Variants in CYP4A22 observed in about 807,000 individuals in gnomAD.
CYP4A22 encodes the protein cytochrome P450 4A22.
CYP4A22 carries 46 observed loss-of-function variants against 56.2 expected under a neutral mutation model. The ratio of observed to expected loss-of-function variants is 0.82; its 90% CI spans 0.65 to 1.05. The LOEUF (loss-of-function observed/expected upper bound fraction) is 1.05, where lower values mean the gene tolerates loss of function less well. Ranked by LOEUF, CYP4A22 falls within the 50% of genes least tolerant of loss-of-function variation. CYP4A22 has a pLI of 0.00. For missense variants in CYP4A22, 541 were observed against 645.9 expected (o/e 0.84, Z 1.76); for synonymous variants, 193 against 251.1 (o/e 0.77, Z 2.19).
rs1450216767 is a variant in CYP4A22, at chr1:47,145,913, G to A, written c.1270G>A (p.Val424Met). 6.2e-7 allele frequency: 1 copy of A among 1,614,148 alleles called. No homozygotes were observed. The change falls in exon 10 of 12, where the codon GTG (valine) becomes ATG (methionine). Residue 424 changes from valine to methionine, a missense_variant. This residue lies in a region of CYP4A22 where 204 missense variants were observed against 258.9 expected (regional missense o/e 0.79). Transcript: ENST00000371891. ...SIYGLHHNPK[V>M]WPNLEVFDPS... ...TTATGGCCTTCACCACAACCCAAAAGTGTGGCCCAACCTAGAGGTATGTGG... is the reference window on the plus strand; with the variant it reads ...TTATGGCCTTCACCACAACCCAAAAATGTGGCCCAACCTAGAGGTATGTGG...
At chr1:47,138,785 G>T (rs1391544714) in intron 1 of CYP4A22, among the ~76,000 whole-genome samples, 1 of 152,220 alleles carries the variant, frequency 6.6e-6, no homozygotes, top group Non-Finnish European at 1.5e-5. Context: ...CAGCAAGAGG[G>T]CTGAGGAGGG....
rs1413638319 is a variant in CYP4A22 at position 47,148,369 on chromosome 1, G to A, written c.1365-233G>A. 7.2e-5 allele frequency among the ~76,000 whole-genome samples: 11 copies of A among 152,328 alleles called. No individual in the cohort carries two copies. The East Asian group carries it at 1.9e-3, about 27-fold the overall frequency. On this transcript the variant is annotated intron_variant, in intron 11 of 11. Transcript: ENST00000371891. ...AGGGTTTCAGGCTGCTGAGAGCAGAGGTAGAAGGTAGGAGTTAGGAGTTAG... is the reference window on the plus strand; with the variant it reads ...AGGGTTTCAGGCTGCTGAGAGCAGAAGTAGAAGGTAGGAGTTAGGAGTTAG...
At position 47,144,642 on chromosome 1, in the gene CYP4A22, C is replaced by G. The variant is rs369645508; in HGVS notation, c.990C>G (p.Ile330Met). The G allele has an allele frequency of 4.7e-5, 76 of 1,613,718 alleles. No individual in the cohort carries two copies. Among genetic ancestry groups the G allele is most frequent in the Middle Eastern group, 1.6e-4 (1 of 6,076 alleles). The part of the protein sequence containing the change: ...FEGHDTTASG[I>M]SWILYALATH... Reference sequence around the variant, plus strand: ...GCCACGACACCACAGCCAGTGGGATCTCCTGGATCCTCTATGCTCTGGCCA... The same window carrying G: ...GCCACGACACCACAGCCAGTGGGATGTCCTGGATCCTCTATGCTCTGGCCA... Residue 330 changes from isoleucine to methionine, a missense_variant, in exon 8 of 12, where the codon ATC (isoleucine) becomes ATG (methionine). Around this residue, in one of 3 missense-constraint regions of CYP4A22, gnomAD observed 204 missense variants for 258.9 expected, o/e 0.79. Transcript: ENST00000371891.
At chr1:47,137,732 G>T (rs1286957455) in intron 1 of CYP4A22, 52 bp downstream of exon 1, 1 of 1,550,358 alleles carries the variant, frequency 6.5e-7, no homozygotes, top group South Asian at 1.2e-5. Context: ...ATGCGGCTCT[G>T]AGACCCTGGT....
At position 47,140,926 on chromosome 1, in the gene CYP4A22, G is replaced by GA; in HGVS notation, c.337+6dup. 1 of 1,613,600 alleles carries GA rather than the reference G, an allele frequency of 6.2e-7. No individual in the cohort carries two copies. The highest frequency in any genetic ancestry group is 1.1e-5 in the South Asian group (1 of 90,998). ...AGGTGATTCTGGGGAGATCAGGTGA[G>GA]ATCGAACCCCCATCCCAACTGCAAT... On this transcript the variant is annotated splice_donor_region_variant and intron_variant, in intron 2 of 11. Transcript: ENST00000371891.
At chr1:47,144,238 CCA>C in intron 6 of CYP4A22, 117 bp from the exon 7 acceptor site, 1 of 1,334,412 alleles carries the variant, frequency 7.5e-7, no homozygotes, top group Non-Finnish European at 1.0e-6. Flanking sequence ...GACCCTGCAC[CCA>C]CACTCACATT....
intron 6 of CYP4A22, 136 bp downstream of exon 6, chr1:47,144,052 A>G: frequency 6.9e-7 from 1 of 1,441,274 alleles, no homozygotes; most frequent in Non-Finnish European, 9.2e-7. Context: ...TCCCTTGCTC[A>G]GGGGCTGGGA....
Position 47,144,396 on chromosome 1 carries a change from A to C in CYP4A22, c.830A>C (p.Glu277Ala), listed in dbSNP as rs1645050234. 1.9e-6 allele frequency: 3 copies of C among 1,613,924 alleles called. No homozygotes were observed. The East Asian group carries it at 6.7e-5, about 36-fold the overall frequency. Reference sequence around the variant, plus strand: ...CTGAGGAAGGCTCAACTACAGAAGGAGGGGGAGCTGGAGAAGATCAAGAGG... The same window carrying C: ...CTGAGGAAGGCTCAACTACAGAAGGCGGGGGAGCTGGAGAAGATCAAGAGG... The part of the protein sequence containing the change: ...IQLRKAQLQK[E>A]GELEKIKRKR... The change falls in exon 7 of 12, where the codon GAG (glutamate) becomes GCG (alanine). Residue 277 changes from glutamate (E) to alanine (A), a missense_variant. By Grantham distance (107) the Glu-to-Ala change is moderately radical. Coordinates refer to ENST00000371891, the MANE Select transcript of CYP4A22 (RefSeq NM_001010969.4).
At chr1:47,147,169 G>A (rs760442) in intron 11 of CYP4A22, 370,204 of 985,132 alleles carry the variant, frequency 0.38, 72,618 homozygotes, top group East Asian at 0.94. Flanking sequence ...CCACTTACAT[G>A]GAACAGGAAA....
At chr1:47,144,047 TGCTCAGGG>T (rs1645045257) in intron 6 of CYP4A22, 131 bp downstream of exon 6, 1 of 1,460,444 alleles carries the variant, frequency 6.8e-7, no homozygotes, top group East Asian at 2.4e-5. Context: ...GGAATTCCCT[TGCTCAGGG>T]GCTGGGAGCC....
chr1:47,148,377 G>GTAGGAGT (rs1645097453), intron 11 of CYP4A22, among the ~76,000 whole-genome samples: 1 of 152,214 alleles, frequency 6.6e-6, no homozygotes, highest in Non-Finnish European at 1.5e-5. Flanking sequence ...GAGGTAGAAG[G>GTAGGAGT]TAGGAGTTAG....
At chr1:47,143,014 T>C (rs1190761011) in intron 4 of CYP4A22, among the ~76,000 whole-genome samples, 2 of 152,238 alleles carry the variant, frequency 1.3e-5, no homozygotes, top group African/African-American at 4.8e-5. Flanking sequence ...AATTCAATAC[T>C]TAATCCATGC....
chr1:47,137,710 G>A (rs1358791729), intron 1 of CYP4A22, 30 bp downstream of exon 1: 2 of 1,580,762 alleles, frequency 1.3e-6, no homozygotes, highest in South Asian at 1.2e-5. Context: ...GGGAGTGGGA[G>A]GGCAAGGAGG....
rs1645010984 is a variant in CYP4A22 at position 47,141,652 on chromosome 1, G to T, written c.382+37G>T. On this transcript the variant is annotated intron_variant, in intron 3 of 11. Coordinates refer to ENST00000371891, the MANE Select transcript of CYP4A22 (RefSeq NM_001010969.4). ...AACTAGGACTGCAGCCCACTCCCTA[G>T]TTAGGTTTGAGTTATTTATTTGGCT... is the stretch of plus-strand genomic sequence containing the variant. 2.5e-6 allele frequency: 4 copies of T among 1,606,132 alleles called. No individual in the cohort carries two copies. The South Asian group carries it at 4.4e-5, about 18-fold the overall frequency.
intron 4 of CYP4A22, 80 bp from the exon 5 acceptor site, chr1:47,143,189 G>A (rs1645032417): frequency 6.5e-7 from 1 of 1,547,098 alleles, no homozygotes; most frequent in Non-Finnish European, 8.7e-7. Context: ...CAAGATATCT[G>A]CAGGTACATG....
intron 9 of CYP4A22, 22 bp from the exon 10 acceptor site, chr1:47,145,844 C>G: frequency 6.2e-7 from 1 of 1,613,998 alleles, no homozygotes; most frequent in Non-Finnish European, 8.5e-7. Context: ...GGTCTTCTCT[C>G]TCTTTCCAAC....
At chr1:47,141,734 C>T in intron 3 of CYP4A22, 119 bp downstream of exon 3, 4 of 1,311,556 alleles carry the variant, frequency 3.0e-6, no homozygotes, top group Non-Finnish European at 4.2e-6. Context: ...CCAAATCAAG[C>T]CTCATTTCCC....
intron 4 of CYP4A22, among the ~76,000 whole-genome samples, chr1:47,142,968 A>C (rs1645029488): frequency 6.6e-6 from 1 of 152,184 alleles, no homozygotes; most frequent in Admixed American, 6.5e-5. Flanking sequence ...AATAACAACA[A>C]AATTTTCACA....
chr1:47,141,833 A>G (rs1313886585), intron 3 of CYP4A22, among the ~76,000 whole-genome samples: 1 of 152,166 alleles, frequency 6.6e-6, no homozygotes, highest in Non-Finnish European at 1.5e-5. Flanking sequence ...AGTTCTCTCC[A>G]GACATCCTTG....
Sources: allele counts gnomAD v4.1 joint callset (sites outside exome capture counted in the v4.1 genomes callset), GRCh38; gene constraint gnomAD v4.1.1; regional missense constraint gnomAD v4.1.1; transcripts MANE v1.5; gene names NCBI Gene and HGNC (gene_info 2026-07-23, HGNC 2026-07-21).